Variants in CECR2 observed in about 807,000 individuals in gnomAD.
CECR2 encodes CECR2 histone acetyl-lysine reader.
In CECR2, 30 loss-of-function variants were observed where a neutral mutation model predicts 154.5. The observed-to-expected ratio is 0.19, with a 90% CI of 0.15 to 0.26. The LOEUF (loss-of-function observed/expected upper bound fraction) is 0.26. CECR2 is among the 10% of genes least tolerant of loss of function. The probability of loss-of-function intolerance (pLI) is 1.00; values close to 1 mark genes in which losing one functional copy is unlikely to be tolerated. For synonymous variants in CECR2, 725 were observed against 683.7 expected, an observed-to-expected ratio of 1.06 and a Z score of -0.94; for missense variants, 1,743 against 1,829.3, an observed-to-expected ratio of 0.95 and a Z score of 0.86.
chr22:17,503,267 T>TC lies in CECR2; in HGVS notation c.700+137dup, dbSNP rs1477927392. ...TTTTACCTACCCCCTGTACTCTTCTTCAGTTCTCCTCCTCACACCTTATCC... is the reference window on the plus strand; with the variant it reads ...TTTTACCTACCCCCTGTACTCTTCTTCCAGTTCTCCTCCTCACACCTTATCC... On this transcript the variant is annotated intron_variant, in intron 6 of 18. Coordinates refer to ENST00000262608, the MANE Select transcript of CECR2 (RefSeq NM_001290047.2). 5.7e-6 allele frequency: 4 copies of TC among 697,660 alleles called. No individual in the cohort carries two copies. In the African/African-American group the frequency reaches 7.2e-5, roughly 13 times the overall value. 43.2% of individuals were successfully genotyped at this position (697,660 alleles called of 1,614,324 possible). A position where few individuals can be genotyped will look rare whatever the true frequency, so the allele number is the denominator to read the frequency against.
chr22:17,553,122 C>G lies in CECR2; in HGVS notation c.*282C>G. 1 of 496,740 alleles carries G rather than the reference C, an allele frequency of 2.0e-6. No individual in the cohort carries two copies. The allele number at this position is 496,740 out of a possible 1,614,324, so 30.8% of individuals were successfully genotyped here. On this transcript the variant is annotated 3_prime_UTR_variant, in exon 19 of 19. Coordinates refer to ENST00000262608, the MANE Select transcript of CECR2 (RefSeq NM_001290047.2). ...GAACGTGGAGTTAATGATGACTTTT[C>G]CAAATCCTGAGACACTTTTCAGGGA... is the stretch of plus-strand genomic sequence containing the variant.
At chr22:17,399,793 A>G (rs2053865468) in intron 1 of CECR2, among the ~76,000 whole-genome samples, 1 of 152,206 alleles carries the variant, frequency 6.6e-6, no homozygotes, top group African/African-American at 2.4e-5. Flanking sequence ...GGATTTTACT[A>G]CAGTAAAAAT....
At chr22:17,429,992 ACCAGTTTAGACCCC>A (rs1569077481) in intron 1 of CECR2, among the ~76,000 whole-genome samples, 1 of 152,276 alleles carries the variant, frequency 6.6e-6, no homozygotes, top group East Asian at 1.9e-4. Context: ...TAGAGGTTAA[ACCAGTTTAGACCCC>A]CCACCAACAG....
chr22:17,370,269 C>T (rs2063039642), intron 1 of CECR2, among the ~76,000 whole-genome samples: 1 of 149,676 alleles, frequency 6.7e-6, no homozygotes, highest in East Asian at 2.0e-4. Context: ...CGCGCGCTCG[C>T]CGCCCGGTGC....
At chr22:17,516,248 TAC>T (rs1569135587) in intron 8 of CECR2, among the ~76,000 whole-genome samples, 2 of 151,210 alleles carry the variant, frequency 1.3e-5, no homozygotes, top group Non-Finnish European at 2.9e-5. Context: ...CACACATATT[TAC>T]AGTTATGTAC....
At chr22:17,508,817 G>A (rs2055891325) in intron 7 of CECR2, among the ~76,000 whole-genome samples, 1 of 152,204 alleles carries the variant, frequency 6.6e-6, no homozygotes, top group African/African-American at 2.4e-5. Context: ...ATGACTGCGT[G>A]TCAGATTGTT....
intron 1 of CECR2, among the ~76,000 whole-genome samples, chr22:17,444,284 C>A (rs963819299): frequency 6.6e-6 from 1 of 152,128 alleles, no homozygotes; most frequent in African/African-American, 2.4e-5. Flanking sequence ...CACCAGGTGA[C>A]ATATGAATAA....
chr22:17,490,922 A>G (rs2055517967), intron 2 of CECR2, among the ~76,000 whole-genome samples: 1 of 147,132 alleles, frequency 6.8e-6, no homozygotes, highest in Non-Finnish European at 1.5e-5. Context: ...CACTATTCTT[A>G]CTGTCTCCAC....
At chr22:17,471,735 A>C (rs560319573) in intron 1 of CECR2, among the ~76,000 whole-genome samples, 70 of 152,114 alleles carry the variant, frequency 4.6e-4, no homozygotes, top group Non-Finnish European at 9.3e-4. Flanking sequence ...GGGTTTCACC[A>C]TGTTGGCCAG....
At chr22:17,423,500 C>CT (rs1230318192) in intron 1 of CECR2, among the ~76,000 whole-genome samples, 1 of 108,020 alleles carries the variant, frequency 9.3e-6, no homozygotes. Flanking sequence ...GAGCGAGACT[C>CT]TGTCTCAAAA....
chr22:17,365,694 G>A (rs76573216), upstream of CECR2, among the ~76,000 whole-genome samples: 14 of 151,540 alleles, frequency 9.2e-5, no homozygotes, highest in East Asian at 2.5e-3. Flanking sequence ...AGACTGTCTC[G>A]GAAAAACAAA....
intron 2 of CECR2, among the ~76,000 whole-genome samples, chr22:17,489,032 A>G (rs915962899): frequency 6.6e-6 from 1 of 151,582 alleles, no homozygotes; most frequent in Non-Finnish European, 1.5e-5. Context: ...GCTCACTGCA[A>G]CCTCCACCTC....
At chr22:17,492,508 A>G (rs1249094480) in intron 2 of CECR2, among the ~76,000 whole-genome samples, 2 of 152,156 alleles carry the variant, frequency 1.3e-5, no homozygotes, top group South Asian at 2.1e-4. Context: ...CTGGGCCTCT[A>G]AGAAATGGCT....
chr22:17,500,252 C>T (rs893596313), intron 4 of CECR2, among the ~76,000 whole-genome samples: 3 of 148,886 alleles, frequency 2.0e-5, no homozygotes, highest in East Asian at 1.9e-4. Flanking sequence ...AGTTTATGAA[C>T]GTTAGTATCC....
At chr22:17,443,163 G>A (rs2054609593) in intron 1 of CECR2, among the ~76,000 whole-genome samples, 1 of 152,110 alleles carries the variant, frequency 6.6e-6, no homozygotes, top group African/African-American at 2.4e-5. Context: ...CTTCTCAGCA[G>A]CCATTCTACA....
rs1398949826 is a variant in CECR2, at chr22:17,414,224, G to C, written c.126+44315G>C. Among the ~76,000 whole-genome samples, 9 of 152,210 alleles carry C rather than the reference G, an allele frequency of 5.9e-5. No individual in the cohort carries two copies. In the East Asian group the frequency reaches 1.5e-3, roughly 26 times the overall value. Reference sequence around the variant, plus strand: ...CCTGACCTCGTGATCCGCCCGCCTTGGCCTCCCAAAGTGCTGGGATTACAG... The same window carrying C: ...CCTGACCTCGTGATCCGCCCGCCTTCGCCTCCCAAAGTGCTGGGATTACAG... On this transcript the variant is annotated intron_variant, in intron 1 of 18. Transcript: ENST00000262608.
At chr22:17,504,589 A>T (rs1052900867) in intron 6 of CECR2, among the ~76,000 whole-genome samples, 3 of 150,206 alleles carry the variant, frequency 2.0e-5, no homozygotes, top group Non-Finnish European at 4.4e-5. Flanking sequence ...GGCGCCCGCC[A>T]CCGCGCCCGG....
At chr22:17,397,642 C>T (rs761199004) in intron 1 of CECR2, among the ~76,000 whole-genome samples, 2 of 152,056 alleles carry the variant, frequency 1.3e-5, no homozygotes, top group South Asian at 2.1e-4. Flanking sequence ...GAACTACAGG[C>T]GCCCGCCACC....
chr22:17,441,876 A>G (rs2054589876), intron 1 of CECR2, among the ~76,000 whole-genome samples: 1 of 152,250 alleles, frequency 6.6e-6, no homozygotes, highest in Non-Finnish European at 1.5e-5. Context: ...AACATGTTGA[A>G]GTATAAAATA....
Sources: gnomAD v4.1 joint callset for allele counts (sites outside exome capture counted in the v4.1 genomes callset) on GRCh38, gnomAD v4.1.1 for gene constraint, MANE v1.5 for transcripts, NCBI Gene and HGNC (gene_info 2026-07-23, HGNC 2026-07-21) for gene names.